CAST: variants seen among roughly 807,000 people sequenced by gnomAD.
CAST encodes calpastatin, also known as MIR583 host.
CAST carries 76 observed loss-of-function variants against 119.6 expected under a neutral mutation model. The ratio of observed to expected loss-of-function variants is 0.64; its 90% confidence interval spans 0.53 to 0.77. The LOEUF (loss-of-function observed/expected upper bound fraction) is 0.77, where lower values mean the gene tolerates loss of function less well. CAST is among the 30% of genes least tolerant of loss of function. The pLI is 0.00. For missense variants in CAST, 953 were observed against 946.5 expected (o/e 1.01, Z -0.09); for synonymous variants, 319 against 331.6 (o/e 0.96, Z 0.41).
intron 20 of CAST, among the ~76,000 whole-genome samples, chr5:96,751,311 T>A (rs731827): frequency 0.24 from 37,241 of 152,176 alleles, 4,982 homozygotes; most frequent in Non-Finnish European, 0.32. Context: ...TAGCACATCT[T>A]CCCTCTGAAC....
chr5:96,355,674 G>T, the CAST span, among the ~76,000 whole-genome samples: 16 of 151,836 alleles, frequency 1.1e-4, no homozygotes, highest in African/African-American at 3.6e-4. Context: ...ATTTCTCCAC[G>T]TCCTCTCCAG....
chr5:96,358,219 C>A, the CAST span, among the ~76,000 whole-genome samples: 5 of 152,208 alleles, frequency 3.3e-5, no homozygotes, highest in South Asian at 8.3e-4. Context: ...ATTCTTATCT[C>A]TTTTCTTCTT....
chr5:96,760,558 A>C (rs566096019), intron 24 of CAST, among the ~76,000 whole-genome samples: 1 of 152,040 alleles, frequency 6.6e-6, no homozygotes, highest in Non-Finnish European at 1.5e-5. Context: ...CACATGAAAA[A>C]AATGACAAAC....
chr5:96,437,326 T>G, the CAST span, among the ~76,000 whole-genome samples: 4 of 152,242 alleles, frequency 2.6e-5, no homozygotes, highest in Non-Finnish European at 5.9e-5. Flanking sequence ...CTAGAAATAA[T>G]TGATCTTTTC....
chr5:96,601,163 C>T (rs181742307), intron 1 of CAST, among the ~76,000 whole-genome samples: 4 of 152,316 alleles, frequency 2.6e-5, no homozygotes, highest in East Asian at 1.9e-4. Context: ...CTAGGTGCCT[C>T]TATGACCATT....
At chr5:96,341,640 T>A in the CAST span, among the ~76,000 whole-genome samples, 1 of 152,088 alleles carries the variant, frequency 6.6e-6, no homozygotes, top group Non-Finnish European at 1.5e-5. Context: ...ATAAACTTTC[T>A]TTAGATTAAA....
the CAST span, among the ~76,000 whole-genome samples, chr5:96,246,187 C>CTTTTT: frequency 1.6e-4 from 12 of 76,386 alleles, 2 homozygotes; most frequent in Admixed American, 4.5e-4. Flanking sequence ...GTCTGTCTTC[C>CTTTTT]TTTTTTTTTT....
the CAST span, among the ~76,000 whole-genome samples, chr5:96,302,600 T>A: frequency 6.6e-6 from 1 of 152,222 alleles, no homozygotes; most frequent in Non-Finnish European, 1.5e-5. Flanking sequence ...AGTTCTTGAA[T>A]GCTTTGCTGC....
the CAST span, chr5:95,961,543 T>G: frequency 1.3e-6 from 2 of 1,543,590 alleles, no homozygotes; most frequent in Non-Finnish European, 1.7e-6. Flanking sequence ...GCTCTGCCTC[T>G]CTGAGCCCAG....
chr5:96,273,202 A>G, the CAST span, among the ~76,000 whole-genome samples: 1 of 152,170 alleles, frequency 6.6e-6, no homozygotes, highest in South Asian at 2.1e-4. Flanking sequence ...AAAATGAGCT[A>G]TTGTTTAAGA....
intron 30 of CAST, 26 bp downstream of exon 30, chr5:96,770,628 A>G (rs764674553): frequency 1.4e-6 from 2 of 1,472,480 alleles, no homozygotes; most frequent in Non-Finnish European, 1.9e-6. Context: ...AATATACTAC[A>G]AATTAGTTTA....
At chr5:96,362,579 G>A in the CAST span, among the ~76,000 whole-genome samples, 1 of 152,112 alleles carries the variant, frequency 6.6e-6, no homozygotes, top group Non-Finnish European at 1.5e-5. Context: ...TTTCTCTGAT[G>A]GCCAGTGATG....
chr5:96,411,997 A>ACT, the CAST span, among the ~76,000 whole-genome samples: 2 of 152,294 alleles, frequency 1.3e-5, no homozygotes, highest in East Asian at 3.9e-4. Context: ...ACTAGGTTGC[A>ACT]GAACAGTGCA....
the CAST span, among the ~76,000 whole-genome samples, chr5:96,479,559 C>T: frequency 6.6e-6 from 1 of 151,366 alleles, no homozygotes; most frequent in Non-Finnish European, 1.5e-5. Flanking sequence ...AAGCGATTCT[C>T]CTGCCTCAAC....
the CAST span, among the ~76,000 whole-genome samples, chr5:96,280,939 G>A: frequency 6.6e-6 from 1 of 151,998 alleles, no homozygotes; most frequent in Non-Finnish European, 1.5e-5. Flanking sequence ...TAATTTCCAG[G>A]GAAATGTCTT....
chr5:96,071,183 A>G, the CAST span, among the ~76,000 whole-genome samples: 1 of 150,384 alleles, frequency 6.6e-6, no homozygotes, highest in Non-Finnish European at 1.5e-5. Context: ...TTTTGTACCC[A>G]CCCTTCCCTC....
At chr5:96,740,191 C>T in intron 12 of CAST, 73 bp downstream of exon 12, 4 of 755,054 alleles carry the variant, frequency 5.3e-6, no homozygotes, top group Non-Finnish European at 4.4e-6. Flanking sequence ...AATATTTTTA[C>T]AGTGTTTAGA....
At chr5:95,998,357 C>T in the CAST span, among the ~76,000 whole-genome samples, 1 of 152,010 alleles carries the variant, frequency 6.6e-6, no homozygotes, top group Admixed American at 6.6e-5. Flanking sequence ...GTACCCATCA[C>T]CTGAATAGTG....
chr5:96,725,268 A>G lies in CAST; in HGVS notation c.271-1526A>G, dbSNP rs150218402. Among the ~76,000 whole-genome samples, 14 of 152,288 alleles carry G rather than the reference A, an allele frequency of 9.2e-5. No individual in the cohort carries two copies. In the East Asian group the frequency reaches 2.7e-3, roughly 29 times the overall value. ...AATCTCTTTTTGCTTTGGTTTCCTT[A>G]TCTGTACAGTTTGGAGGAAGGTGAT... On this transcript the variant is annotated intron_variant, in intron 4 of 31. Coordinates refer to ENST00000675179, the MANE Select transcript of CAST (RefSeq NM_001750.7).
Sources: allele counts gnomAD v4.1 joint callset (sites outside exome capture counted in the v4.1 genomes callset), GRCh38; gene constraint gnomAD v4.1.1; transcripts MANE v1.5; gene names NCBI Gene and HGNC (gene_info 2026-07-23, HGNC 2026-07-21).